Variants in PIGK observed in about 807,000 individuals in gnomAD.
PIGK encodes the protein phosphatidylinositol glycan anchor biosynthesis class K.
A neutral mutation model predicts 50.6 loss-of-function variants in PIGK; 42 were observed. That is an observed-to-expected ratio of 0.83 (90% confidence interval 0.65 to 1.07). The LOEUF is 1.07. Among genes scored for constraint, PIGK ranks in the 50% least tolerant of loss-of-function variants. The pLI is 0.00. For synonymous variants in PIGK, 151 were observed against 156.0 expected, an observed-to-expected ratio of 0.97 and a Z score of 0.24; for missense variants, 448 against 488.7, an observed-to-expected ratio of 0.92 and a Z score of 0.78.
intron 3 of PIGK, among the ~76,000 whole-genome samples, chr1:77,178,679 CA>C (rs1655540281): frequency 6.6e-6 from 1 of 152,132 alleles, no homozygotes; most frequent in South Asian, 2.1e-4. Context: ...GAGCATATTC[CA>C]AACTCTTCAT....
chr1:77,160,273 T>C (rs899460352), intron 8 of PIGK, among the ~76,000 whole-genome samples: 5 of 152,228 alleles, frequency 3.3e-5, no homozygotes, highest in Admixed American at 6.5e-5. Flanking sequence ...AGTCCATTAA[T>C]CTTCTTTTTC....
chr1:77,171,447 A>AAAAAAAG lies in PIGK; in HGVS notation c.240-2053_240-2052insCTTTTTT, dbSNP rs1352165563. Among the ~76,000 whole-genome samples, 29 of 147,920 alleles carry AAAAAAAG rather than the reference A, an allele frequency of 2.0e-4. 1 individual carries two copies. The highest frequency in any genetic ancestry group is 3.8e-4 in the Non-Finnish European group (25 of 66,656). On this transcript the variant is annotated intron_variant, in intron 3 of 10. Transcript: ENST00000370812. ...GCAAGACTCCACCTCAAAAAAAAAA[A>AAAAAAAG]AAAAAAAAAAAAAAAAGAATATTTC...
At chr1:77,213,736 AAGTCAAT>A (rs1401589848) in intron 1 of PIGK, among the ~76,000 whole-genome samples, 1 of 152,120 alleles carries the variant, frequency 6.6e-6, no homozygotes, top group East Asian at 1.9e-4. Flanking sequence ...AATACAAAAA[AAGTCAAT>A]GAAGCAAAAA....
chr1:77,193,947 G>T (rs576079256), intron 3 of PIGK, among the ~76,000 whole-genome samples: 1 of 152,142 alleles, frequency 6.6e-6, no homozygotes, highest in Non-Finnish European at 1.5e-5. Context: ...TCTAACAAAG[G>T]TCTAATATCC....
intron 3 of PIGK, among the ~76,000 whole-genome samples, chr1:77,195,771 C>A (rs1014698416): frequency 1.3e-5 from 2 of 151,890 alleles, no homozygotes; most frequent in Non-Finnish European, 2.9e-5. Context: ...CATATATATA[C>A]AGAATATATA....
chr1:77,211,964 C>A (rs910676015), intron 1 of PIGK, among the ~76,000 whole-genome samples: 2 of 152,016 alleles, frequency 1.3e-5, no homozygotes, highest in Non-Finnish European at 2.9e-5. Context: ...TCATTCTACA[C>A]ATAAGTTAAT....
intron 10 of PIGK, among the ~76,000 whole-genome samples, chr1:77,108,315 T>C (rs192891382): frequency 1.3e-5 from 2 of 152,358 alleles, no homozygotes; most frequent in Admixed American, 6.5e-5. Context: ...CATTTGCTTG[T>C]CTGTAAAGGA....
At chr1:77,144,343 T>C (rs1654719416) in intron 9 of PIGK, among the ~76,000 whole-genome samples, 1 of 151,800 alleles carries the variant, frequency 6.6e-6, no homozygotes, top group South Asian at 2.1e-4. Context: ...TTTTTCCATA[T>C]GATACAGAAC....
chr1:77,129,074 T>C (rs771692597), intron 9 of PIGK: 2 of 819,796 alleles, frequency 2.4e-6, no homozygotes, highest in Non-Finnish European at 4.4e-6. Context: ...ATATTTACTA[T>C]CTAGCTCTTT....
intron 9 of PIGK, among the ~76,000 whole-genome samples, 175 bp from the exon 10 acceptor site, chr1:77,122,534 G>C (rs928276138): frequency 2.0e-5 from 3 of 151,960 alleles, no homozygotes; most frequent in Non-Finnish European, 4.4e-5. Flanking sequence ...AATGACTATA[G>C]AAGTATTCAG....
chr1:77,129,248 G>T (rs767642124), intron 9 of PIGK: 33 of 1,608,924 alleles, frequency 2.1e-5, no homozygotes, highest in Non-Finnish European at 2.8e-5. Flanking sequence ...AAAAAGCCAC[G>T]AAGTATCTGA....
intron 9 of PIGK, among the ~76,000 whole-genome samples, chr1:77,126,780 G>A (rs1233767864): frequency 6.6e-6 from 1 of 152,126 alleles, no homozygotes; most frequent in Non-Finnish European, 1.5e-5. Context: ...ACATGTGGCA[G>A]CCATCCTAAA....
intron 9 of PIGK, among the ~76,000 whole-genome samples, chr1:77,138,869 T>C (rs991912464): frequency 2.0e-5 from 3 of 152,158 alleles, no homozygotes; most frequent in African/African-American, 7.2e-5. Context: ...ACTTTAAATT[T>C]CTTGGGCCAA....
chr1:77,168,135 A>G (rs1655274791), intron 4 of PIGK, among the ~76,000 whole-genome samples: 1 of 152,168 alleles, frequency 6.6e-6, no homozygotes, highest in African/African-American at 2.4e-5. Flanking sequence ...AATTCATAAC[A>G]CTTTAAACGA....
At chr1:77,102,117 G>A (rs575159258) in intron 10 of PIGK, among the ~76,000 whole-genome samples, 6 of 152,310 alleles carry the variant, frequency 3.9e-5, no homozygotes, top group Non-Finnish European at 5.9e-5. Context: ...TTCAAAGGTG[G>A]CAGCAAGACC....
intron 9 of PIGK, among the ~76,000 whole-genome samples, chr1:77,143,679 G>C (rs762451280): frequency 5.3e-5 from 8 of 151,988 alleles, no homozygotes; most frequent in Non-Finnish European, 8.8e-5. Flanking sequence ...AAAAATATTA[G>C]ACAGTTCCCT....
rs529848101 is a variant in PIGK at position 77,189,453 on chromosome 1, CCTGGGTTAGTACCAT to C, written c.239+17172_239+17186del. 1.9e-3 allele frequency among the ~76,000 whole-genome samples: 286 copies of C among 152,052 alleles called. 1 individual carries two copies. The highest frequency in any genetic ancestry group is 6.6e-3 in the African/African-American group (274 of 41,472). On this transcript the variant is annotated intron_variant, in intron 3 of 10. Transcript: ENST00000370812. ...CTAGGAAAGGCAGACCCACCTTTAA[CCTGGGTTAGTACCAT>C]CTAATCAGCTGCCAGGGTGGCTAGA...
chr1:77,166,439 A>G (rs1277793733), intron 5 of PIGK, among the ~76,000 whole-genome samples: 1 of 152,212 alleles, frequency 6.6e-6, no homozygotes, highest in Non-Finnish European at 1.5e-5. Context: ...TAGCAGGAGA[A>G]CAAAACTGAA....
intron 10 of PIGK, among the ~76,000 whole-genome samples, chr1:77,101,541 ATTATT>A (rs1653540877): frequency 6.6e-6 from 1 of 152,186 alleles, no homozygotes; most frequent in Admixed American, 6.5e-5. Context: ...TTAGTTATGT[ATTATT>A]TTCCTCTTGA....
Sources: allele counts gnomAD v4.1 joint callset (sites outside exome capture counted in the v4.1 genomes callset), GRCh38; gene constraint gnomAD v4.1.1; transcripts MANE v1.5; gene names NCBI Gene and HGNC (gene_info 2026-07-23, HGNC 2026-07-21).